The following HDAC9 variants were observed in gnomAD, a reference collection of about 807,000 sequenced individuals.
HDAC9 encodes the protein histone deacetylase 9.
Under a neutral mutation model 139.4 loss-of-function variants are expected in HDAC9, and 41 were observed. That is an observed-to-expected ratio of 0.29 (90% CI 0.23 to 0.38). The LOEUF is 0.38. HDAC9 is among the 10% of genes least tolerant of loss of function. The probability of loss-of-function intolerance (pLI) is 1.00; values close to 1 mark genes in which losing one functional copy is unlikely to be tolerated. For missense variants in HDAC9, 1,147 were observed against 1,297.0 expected, an observed-to-expected ratio of 0.88 and a Z score of 1.78; for synonymous variants, 517 against 476.2, an observed-to-expected ratio of 1.09 and a Z score of -1.12.
intron 2 of HDAC9, among the ~76,000 whole-genome samples, chr7:18,208,629 G>A (rs1244719674): frequency 1.3e-5 from 2 of 152,096 alleles, no homozygotes; most frequent in South Asian, 2.1e-4. Context: ...ACCTGCCTCT[G>A]CCTCCAAAAG....
At chr7:18,621,326 C>T (rs1840152937) in intron 6 of HDAC9, among the ~76,000 whole-genome samples, 1 of 151,762 alleles carries the variant, frequency 6.6e-6, no homozygotes, top group South Asian at 2.1e-4. Flanking sequence ...CAAATTTTCC[C>T]ATTCTTAAAA....
chr7:18,549,455 T>C (rs1006902779), intron 2 of HDAC9, among the ~76,000 whole-genome samples: 1 of 152,170 alleles, frequency 6.6e-6, no homozygotes, highest in Non-Finnish European at 1.5e-5. Context: ...ATCCATGCCA[T>C]GGAATACTGC....
intron 2 of HDAC9, among the ~76,000 whole-genome samples, chr7:18,245,493 C>G (rs185165054): frequency 8.6e-5 from 13 of 151,986 alleles, no homozygotes; most frequent in African/African-American, 2.9e-4. Flanking sequence ...GAGGCTGAGG[C>G]GGGAGAATGG....
Position 18,732,887 on chromosome 7 carries a change from A to G in HDAC9, c.1909+5130A>G, listed in dbSNP as rs570380165. Among the ~76,000 whole-genome samples, 7 of 96,230 alleles carry G rather than the reference A, an allele frequency of 7.3e-5. 2 individuals carry two copies. Among genetic ancestry groups the G allele is most frequent in the Non-Finnish European group, 1.4e-4 (7 of 49,110 alleles). 63.1% of individuals were successfully genotyped at this position (96,230 alleles called of 152,430 possible). Reference sequence around the variant, plus strand: ...TATGTGTACACACACACGTGTGCGTATGTGTACACACACACGTGTGCGTAT... The same window carrying G: ...TATGTGTACACACACACGTGTGCGTGTGTGTACACACACACGTGTGCGTAT... On this transcript the variant is annotated intron_variant, in intron 13 of 25. Transcript: ENST00000686413.
At chr7:18,256,823 C>T (rs1795276201) in intron 2 of HDAC9, among the ~76,000 whole-genome samples, 1 of 152,076 alleles carries the variant, frequency 6.6e-6, no homozygotes, top group East Asian at 1.9e-4. Flanking sequence ...CACAGGGGCT[C>T]ATGCATGTAA....
chr7:18,650,825 T>C (rs1437995175), intron 11 of HDAC9, among the ~76,000 whole-genome samples: 1 of 152,180 alleles, frequency 6.6e-6, no homozygotes, highest in Non-Finnish European at 1.5e-5. Context: ...CCAAAGCTGA[T>C]CTTTATATGT....
At chr7:18,334,997 G>A (rs184371434) in intron 1 of HDAC9, among the ~76,000 whole-genome samples, 31 of 151,454 alleles carry the variant, frequency 2.0e-4, no homozygotes, top group African/African-American at 7.0e-4. Flanking sequence ...CTTTTTGTCC[G>A]GCAGGGTTTT....
chr7:18,462,520 A>G (rs1466676734), intron 1 of HDAC9, among the ~76,000 whole-genome samples: 1 of 151,882 alleles, frequency 6.6e-6, no homozygotes, highest in Non-Finnish European at 1.5e-5. Flanking sequence ...CAAGCCCCCA[A>G]CCCCAACCCC....
intron 6 of HDAC9, among the ~76,000 whole-genome samples, chr7:18,599,589 A>G (rs993588049): frequency 2.0e-5 from 3 of 152,210 alleles, no homozygotes; most frequent in Admixed American, 6.5e-5. Flanking sequence ...ATTTGGCAGT[A>G]TGCATTTAAG....
chr7:18,479,691 T>C (rs1795388655), intron 1 of HDAC9, among the ~76,000 whole-genome samples: 1 of 152,184 alleles, frequency 6.6e-6, no homozygotes, highest in Non-Finnish European at 1.5e-5. Flanking sequence ...GATTTTTTTC[T>C]ATCCATGGAC....
intron 2 of HDAC9, among the ~76,000 whole-genome samples, chr7:18,502,896 A>AT (rs1019758377): frequency 2.0e-5 from 3 of 152,004 alleles, no homozygotes; most frequent in African/African-American, 4.8e-5. Flanking sequence ...GGCACACAAA[A>AT]TTTTTTTTGA....
intron 1 of HDAC9, among the ~76,000 whole-genome samples, chr7:18,298,719 A>T (rs1046552930): frequency 3.3e-5 from 5 of 152,186 alleles, no homozygotes; most frequent in African/African-American, 1.2e-4. Flanking sequence ...GTCAATTTTT[A>T]TGTGACAGTG....
intron 21 of HDAC9, among the ~76,000 whole-genome samples, chr7:18,867,617 T>G (rs1302606866): frequency 2.0e-5 from 3 of 152,200 alleles, no homozygotes; most frequent in Non-Finnish European, 4.4e-5. Flanking sequence ...TTTTTCTTTT[T>G]AAGGCTCTCT....
At chr7:18,571,496 G>A (rs549615850) in intron 2 of HDAC9, among the ~76,000 whole-genome samples, 113 of 152,206 alleles carry the variant, frequency 7.4e-4, no homozygotes, top group Admixed American at 2.7e-3. Flanking sequence ...GGAACTGTTC[G>A]TAAGATTTTA....
At position 18,585,272 on chromosome 7, in the gene HDAC9, G is replaced by GTTTTT; in HGVS notation, c.23-7_23-6insTTTTT. The GTTTTT allele has an allele frequency of 3.1e-6, 5 of 1,604,498 alleles. No homozygotes were observed. The highest frequency in any genetic ancestry group is 4.3e-6 in the Non-Finnish European group (5 of 1,175,954). On this transcript the variant is annotated splice_polypyrimidine_tract_variant and intron_variant, in intron 2 of 25. Coordinates refer to ENST00000686413, the MANE Select transcript of HDAC9 (RefSeq NM_178425.4). ...CCCACCCCATTTCCCTTTTTTTCTG[G>GTTTTT]TTCTTTAGTGGATGTGAAGTCAGAA...
intron 2 of HDAC9, among the ~76,000 whole-genome samples, chr7:18,271,584 C>A (rs940208807): frequency 3.3e-5 from 5 of 152,164 alleles, no homozygotes; most frequent in Admixed American, 1.3e-4. Context: ...TGCAGTCTTC[C>A]ATTTCATGCA....
chr7:18,589,252 A>G (rs918293190), intron 3 of HDAC9, among the ~76,000 whole-genome samples: 1 of 152,184 alleles, frequency 6.6e-6, no homozygotes, highest in African/African-American at 2.4e-5. Context: ...CAGGCTGGGC[A>G]AGGTGGCTCA....
chr7:18,781,188 T>C (rs773950930), intron 16 of HDAC9, among the ~76,000 whole-genome samples: 5 of 152,068 alleles, frequency 3.3e-5, no homozygotes, highest in Admixed American at 6.6e-5. Flanking sequence ...TGATCTCATT[T>C]AACCTTAATT....
At chr7:18,647,396 G>C (rs536676232) in intron 9 of HDAC9, among the ~76,000 whole-genome samples, 1 of 152,048 alleles carries the variant, frequency 6.6e-6, no homozygotes, top group East Asian at 1.9e-4. Context: ...TTTATGGTGA[G>C]AACACTGAAA....
Sources: gnomAD v4.1 joint callset for allele counts (sites outside exome capture counted in the v4.1 genomes callset) on GRCh38, gnomAD v4.1.1 for gene constraint, MANE v1.5 for transcripts, NCBI Gene and HGNC (gene_info 2026-07-23, HGNC 2026-07-21) for gene names.